The following UVRAG variants were observed in gnomAD, a reference collection of about 807,000 sequenced individuals.
UVRAG encodes the protein UV radiation resistance associated, also known as UV radiation resistance-associated gene protein.
In UVRAG, 19 loss-of-function variants were observed where a neutral mutation model predicts 78.0. The ratio of observed to expected loss-of-function variants is 0.24; its 90% CI spans 0.17 to 0.36. The LOEUF (loss-of-function observed/expected upper bound fraction) is 0.36. Among genes scored for constraint, UVRAG ranks in the 10% least tolerant of loss-of-function variants. UVRAG has a pLI of 1.00. For missense variants in UVRAG, 740 were observed against 853.8 expected (o/e 0.87, Z 1.66); for synonymous variants, 323 against 324.6 (o/e 1.00, Z 0.05).
At chr11:75,876,841 T>C (rs1226245803) in intron 3 of UVRAG, among the ~76,000 whole-genome samples, 2 of 151,722 alleles carry the variant, frequency 1.3e-5, no homozygotes, top group Non-Finnish European at 2.9e-5. Context: ...GTTTTTTTTT[T>C]ATTTTTTATT....
At position 75,912,020 on chromosome 11, in the gene UVRAG, G is replaced by T. The variant is rs564183966; in HGVS notation, c.574G>T (p.Asp192Tyr). ...TCAGAACTGTGTTCGCAATTCTTAC[G>T]ATGTCTTCTCTTTGCTACGGTAAGA... ...VDQNCVRNSY[D>Y]VFSLLRLHRA... Residue 192 changes from aspartate to tyrosine, a missense_variant, in exon 6 of 15, where the codon GAT (aspartate) becomes TAT (tyrosine). Transcript: ENST00000356136. The T allele has an allele frequency of 1.9e-6, 3 of 1,611,860 alleles. No individual in the cohort carries two copies. The highest frequency in any genetic ancestry group is 1.7e-5 in the Admixed American group (1 of 60,004).
chr11:75,844,957 T>C (rs1946003716), intron 1 of UVRAG, among the ~76,000 whole-genome samples: 1 of 152,220 alleles, frequency 6.6e-6, no homozygotes, highest in African/African-American at 2.4e-5. Flanking sequence ...TAAACCATCA[T>C]GACCAGCCAG....
intron 11 of UVRAG, among the ~76,000 whole-genome samples, chr11:76,014,634 A>G (rs149740341): frequency 9.7e-4 from 148 of 152,330 alleles, no homozygotes; most frequent in African/African-American, 3.5e-3. Context: ...CTGTATAGGT[A>G]TTCTGGAGGA....
At position 75,974,175 on chromosome 11, in the gene UVRAG, G is replaced by A. The variant is rs190192339; in HGVS notation, c.700-9212G>A. ...ACTAGTTTACAGTCCCACCAACAGTGTAAAAGCGTTCCTATTTCTCCACGT... is the reference window on the plus strand; with the variant it reads ...ACTAGTTTACAGTCCCACCAACAGTATAAAAGCGTTCCTATTTCTCCACGT... On this transcript the variant is annotated intron_variant, in intron 7 of 14. Transcript: ENST00000356136. 1.6e-3 allele frequency among the ~76,000 whole-genome samples: 247 copies of A among 152,230 alleles called. 1 individual carries two copies. The highest frequency in any genetic ancestry group is 5.4e-3 in the African/African-American group (226 of 41,550).
intron 12 of UVRAG, among the ~76,000 whole-genome samples, chr11:76,065,015 G>A (rs570583685): frequency 6.6e-6 from 1 of 152,282 alleles, no homozygotes; most frequent in Admixed American, 6.5e-5. Flanking sequence ...TCATTTGCAG[G>A]TGTAAAGAAG....
intron 3 of UVRAG, among the ~76,000 whole-genome samples, chr11:75,873,799 TG>T (rs770462644): frequency 2.5e-4 from 38 of 152,180 alleles, no homozygotes; most frequent in Non-Finnish European, 4.3e-4. Context: ...CACAAATGAT[TG>T]CCATTACTCA....
At chr11:76,067,333 A>G (rs1591197163) in intron 13 of UVRAG, among the ~76,000 whole-genome samples, 2 of 152,250 alleles carry the variant, frequency 1.3e-5, no homozygotes, top group South Asian at 2.1e-4. Context: ...CCCATTCTGC[A>G]TTTTTGGCAG....
chr11:75,995,834 T>A (rs1294439655), intron 8 of UVRAG, among the ~76,000 whole-genome samples: 2 of 152,094 alleles, frequency 1.3e-5, no homozygotes, highest in African/African-American at 4.8e-5. Context: ...AGTTTATATG[T>A]GTTCTGATTT....
intron 12 of UVRAG, 143 bp downstream of exon 12, chr11:76,017,123 G>A: frequency 1.9e-6 from 1 of 540,250 alleles, no homozygotes; most frequent in Non-Finnish European, 2.9e-6. Flanking sequence ...TAAATCAAAT[G>A]TAGTTATTAT....
At position 75,872,765 on chromosome 11, in the gene UVRAG, G is replaced by A. The variant is rs552272344; in HGVS notation, c.271-7114G>A. Among the ~76,000 whole-genome samples the A allele has an allele frequency of 5.9e-5, 9 of 152,308 alleles. No individual in the cohort carries two copies. The East Asian group carries it at 7.7e-4, about 13-fold the overall frequency. ...AGATATAACCAACCATATGACGTTA[G>A]ACAAGTGACTTAATAATTCTTAGCA... is the stretch of plus-strand genomic sequence containing the variant. On this transcript the variant is annotated intron_variant, in intron 3 of 14. Coordinates refer to ENST00000356136, the MANE Select transcript of UVRAG (RefSeq NM_003369.4).
intron 6 of UVRAG, among the ~76,000 whole-genome samples, chr11:75,927,213 G>A (rs143195190): frequency 2.4e-3 from 360 of 152,096 alleles, no homozygotes; most frequent in Middle Eastern, 0.01. Context: ...GGGACTGCAG[G>A]TGTGTGCCAC....
chr11:76,031,441 A>C (rs1453555575), intron 12 of UVRAG, among the ~76,000 whole-genome samples: 1 of 152,218 alleles, frequency 6.6e-6, no homozygotes, highest in East Asian at 1.9e-4. Context: ...CAGCTATTTC[A>C]TCACTGACAC....
intron 12 of UVRAG, 84 bp downstream of exon 12, chr11:76,017,064 C>CT: frequency 9.6e-7 from 1 of 1,042,928 alleles, no homozygotes; most frequent in Non-Finnish European, 1.3e-6. Context: ...AAAATGTAAT[C>CT]TAAATTATGA....
chr11:76,041,050 A>G (rs1408335455), intron 12 of UVRAG, among the ~76,000 whole-genome samples: 2 of 152,346 alleles, frequency 1.3e-5, no homozygotes, highest in African/African-American at 2.4e-5. Context: ...ATTTTAGCAC[A>G]TAAATAGCAA....
chr11:76,034,145 G>A (rs1333577378), intron 12 of UVRAG, among the ~76,000 whole-genome samples: 1 of 152,052 alleles, frequency 6.6e-6, no homozygotes, highest in Non-Finnish European at 1.5e-5. Flanking sequence ...AAGAGCCTGT[G>A]TCCTCTTGTA....
intron 1 of UVRAG, among the ~76,000 whole-genome samples, chr11:75,842,764 C>T (rs1333577529): frequency 6.6e-6 from 1 of 152,124 alleles, no homozygotes; most frequent in Non-Finnish European, 1.5e-5. Flanking sequence ...ATATCCTTTG[C>T]CCCTTTTTCG....
At chr11:76,104,942 C>T (rs1951944428) in intron 13 of UVRAG, among the ~76,000 whole-genome samples, 1 of 152,070 alleles carries the variant, frequency 6.6e-6, no homozygotes, top group South Asian at 2.1e-4. Flanking sequence ...TTTGTGTTTT[C>T]CATACATAGG....
chr11:75,934,625 T>C (rs1948325834), intron 6 of UVRAG, among the ~76,000 whole-genome samples: 3 of 152,162 alleles, frequency 2.0e-5, no homozygotes, highest in Admixed American at 2.0e-4. Context: ...TGCAAACATA[T>C]ACACTTACTG....
chr11:75,959,854 G>A (rs1404764975), intron 6 of UVRAG, among the ~76,000 whole-genome samples: 1 of 152,168 alleles, frequency 6.6e-6, no homozygotes, highest in Non-Finnish European at 1.5e-5. Context: ...GTTACTGTAA[G>A]GCTTGGCCTA....
Sources: gnomAD v4.1 joint callset for allele counts (sites outside exome capture counted in the v4.1 genomes callset) on GRCh38, gnomAD v4.1.1 for gene constraint, MANE v1.5 for transcripts, NCBI Gene and HGNC (gene_info 2026-07-23, HGNC 2026-07-21) for gene names.